The following RALGPS2 variants were observed in gnomAD, a reference collection of about 807,000 sequenced individuals.
The protein encoded by RALGPS2 is ras-specific guanine nucleotide-releasing factor RalGPS2.
Under a neutral mutation model 86.8 loss-of-function variants are expected in RALGPS2, and 43 were observed. The ratio of observed to expected loss-of-function variants is 0.50; its 90% confidence interval spans 0.39 to 0.64. The LOEUF is 0.64. Ranked by LOEUF, RALGPS2 falls within the 30% of genes least tolerant of loss-of-function variation. The pLI, the probability that RALGPS2 is intolerant of heterozygous loss-of-function variation, is 0.00. For synonymous variants in RALGPS2, 243 were observed against 231.3 expected, an observed-to-expected ratio of 1.05 and a Z score of -0.46; for missense variants, 536 against 694.6, an observed-to-expected ratio of 0.77 and a Z score of 2.57.
At chr1:178,801,259 CTT>C (rs1246073718) in intron 4 of RALGPS2, among the ~76,000 whole-genome samples, 1 of 151,928 alleles carries the variant, frequency 6.6e-6, no homozygotes, top group Non-Finnish European at 1.5e-5. Context: ...ATGTGGGTCT[CTT>C]TTTTGTTCAT....
chr1:178,759,642 A>T (rs77800709), intron 1 of RALGPS2, among the ~76,000 whole-genome samples: 1,800 of 150,018 alleles, frequency 0.012, 53 homozygotes, highest in African/African-American at 0.042. Context: ...TGGTATGTTG[A>T]TAGGGATTGC....
In RALGPS2 at chr1:178,839,917, A is replaced by C. The variant is rs541094223; in HGVS notation, c.607+6367A>C. Among the ~76,000 whole-genome samples the C allele has an allele frequency of 1.8e-3, 267 of 152,360 alleles. 1 individual carries two copies. The highest frequency in any genetic ancestry group is 3.4e-3 in the Middle Eastern group (1 of 294). ...TCAAAAGAGACAAAGCCATTACATA[A>C]TGGTAAAGGGATCAATTCAACAAGA... On this transcript the variant is annotated intron_variant, in intron 8 of 19. Transcript: ENST00000367635.
intron 8 of RALGPS2, among the ~76,000 whole-genome samples, chr1:178,840,825 C>T (rs1478194796): frequency 6.6e-6 from 1 of 152,066 alleles, no homozygotes; most frequent in African/African-American, 2.4e-5. Context: ...GATATCACTA[C>T]CGATCCCACA....
At chr1:178,748,213 G>A (rs1437915482) in intron 1 of RALGPS2, among the ~76,000 whole-genome samples, 15 of 152,104 alleles carry the variant, frequency 9.9e-5, no homozygotes, top group East Asian at 3.9e-4. Flanking sequence ...CCAGCCACTC[G>A]GGAGGCTGAG....
intron 8 of RALGPS2, among the ~76,000 whole-genome samples, chr1:178,873,185 G>A (rs1052776970): frequency 9.2e-5 from 14 of 152,104 alleles, no homozygotes; most frequent in Non-Finnish European, 2.9e-5. Flanking sequence ...TAATGCCATT[G>A]CCAAAATAAG....
intron 4 of RALGPS2, among the ~76,000 whole-genome samples, chr1:178,807,278 C>T (rs1179892185): frequency 6.6e-6 from 1 of 152,026 alleles, no homozygotes; most frequent in African/African-American, 2.4e-5. Context: ...AAAGCTGCAG[C>T]GAACTATGAC....
intron 1 of RALGPS2, among the ~76,000 whole-genome samples, chr1:178,766,270 T>A (rs1226765186): frequency 6.6e-6 from 1 of 152,188 alleles, no homozygotes; most frequent in South Asian, 2.1e-4. Context: ...GTCCCTGACT[T>A]CCTGCAACAG....
intron 8 of RALGPS2, 87 bp downstream of exon 8, chr1:178,833,637 ATGTT>A (rs1303678958): frequency 4.7e-6 from 7 of 1,477,894 alleles, no homozygotes; most frequent in Non-Finnish European, 6.2e-6. Context: ...TATTTTTTAA[ATGTT>A]TGTATCTTTT....
At chr1:178,889,435 A>T (rs1659626974) in intron 13 of RALGPS2, among the ~76,000 whole-genome samples, 1 of 152,090 alleles carries the variant, frequency 6.6e-6, no homozygotes, top group Admixed American at 6.6e-5. Context: ...TTGTTATTTT[A>T]GGTTGTCGTG....
intron 4 of RALGPS2, among the ~76,000 whole-genome samples, chr1:178,792,931 C>T (rs1299077963): frequency 6.6e-6 from 1 of 152,180 alleles, no homozygotes; most frequent in African/African-American, 2.4e-5. Context: ...TGCTCTCTCA[C>T]TTTCCGTCTT....
At chr1:178,885,260 G>T in intron 12 of RALGPS2, 49 bp downstream of exon 12, 1 of 1,540,330 alleles carries the variant, frequency 6.5e-7, no homozygotes, top group Non-Finnish European at 8.8e-7. Context: ...TTTTGTAATT[G>T]GATTTATTGT....
chr1:178,750,752 T>C (rs951130190), intron 1 of RALGPS2, among the ~76,000 whole-genome samples: 2 of 152,204 alleles, frequency 1.3e-5, no homozygotes, highest in Non-Finnish European at 2.9e-5. Context: ...CTCAAATTCG[T>C]CAAATGTCCG....
In RALGPS2 at chr1:178,906,887, C is replaced by G; in HGVS notation, c.1722+20C>G. 1.9e-6 allele frequency: 3 copies of G among 1,603,740 alleles called. No homozygotes were observed. The highest frequency in any genetic ancestry group is 2.2e-5 in the South Asian group (2 of 90,720). ...CAACAGGTAAGCATTTCTCCTAATT[C>G]TCAGAATAGTCCATAATTTGGGAAC... On this transcript the variant is annotated intron_variant, in intron 19 of 19. Transcript: ENST00000367635.
intron 14 of RALGPS2, among the ~76,000 whole-genome samples, chr1:178,889,930 T>C (rs1659650557): frequency 6.6e-6 from 1 of 151,946 alleles, no homozygotes; most frequent in Admixed American, 6.6e-5. Context: ...TGAATTTTAA[T>C]ACATTTACAT....
At chr1:178,748,823 C>G (rs1387195019) in intron 1 of RALGPS2, among the ~76,000 whole-genome samples, 3 of 143,596 alleles carry the variant, frequency 2.1e-5, no homozygotes, top group Non-Finnish European at 4.5e-5. Flanking sequence ...TGCATTCCAA[C>G]CTGGGTGACA....
At chr1:178,886,446 A>G (rs1188173805) in intron 13 of RALGPS2, among the ~76,000 whole-genome samples, 1 of 152,196 alleles carries the variant, frequency 6.6e-6, no homozygotes, top group Non-Finnish European at 1.5e-5. Flanking sequence ...AACAAGTATA[A>G]TAGTTAGATG....
chr1:178,797,999 A>C (rs1332661948), intron 4 of RALGPS2, among the ~76,000 whole-genome samples: 2 of 151,486 alleles, frequency 1.3e-5, no homozygotes, highest in Admixed American at 1.3e-4. Context: ...AAAAAAAAAA[A>C]AAAAAACCAC....
rs891282188 is a variant in RALGPS2 at position 178,863,150 on chromosome 1, A to G, written c.608-14348A>G. Among the ~76,000 whole-genome samples, 35 of 152,126 alleles carry G rather than the reference A, an allele frequency of 2.3e-4. 1 individual carries two copies. The highest frequency in any genetic ancestry group is 7.5e-4 in the African/African-American group (31 of 41,432). On this transcript the variant is annotated intron_variant, in intron 8 of 19. Transcript: ENST00000367635. ...CTAGCTGCTGCTGTGGATCATTTGA[A>G]TCTAAACAAGAGTTCTGGCTCTGAA...
At chr1:178,823,524 T>C (rs1655608288) in intron 7 of RALGPS2, among the ~76,000 whole-genome samples, 1 of 152,210 alleles carries the variant, frequency 6.6e-6, no homozygotes, top group African/African-American at 2.4e-5. Flanking sequence ...TAAATGACAG[T>C]TCAGTAGAGA....
Sources: allele counts gnomAD v4.1 joint callset (sites outside exome capture counted in the v4.1 genomes callset), GRCh38; gene constraint gnomAD v4.1.1; transcripts MANE v1.5; gene names NCBI Gene and HGNC (gene_info 2026-07-23, HGNC 2026-07-21).